Variants in FRMD6 observed in about 807,000 individuals in gnomAD.
FRMD6 encodes FERM domain-containing protein 6.
Under a neutral mutation model 73.2 loss-of-function variants are expected in FRMD6, and 37 were observed. The observed-to-expected ratio is 0.51, with a 90% CI of 0.39 to 0.66. FRMD6 has a LOEUF of 0.66. Ranked by LOEUF, FRMD6 falls within the 30% of genes least tolerant of loss-of-function variation. The pLI is 0.00. For synonymous variants in FRMD6, 273 were observed against 282.2 expected (o/e 0.97, Z 0.33); for missense variants, 714 against 780.5 (o/e 0.91, Z 1.02).
intron 2 of FRMD6, among the ~76,000 whole-genome samples, chr14:51,583,187 G>C (rs991978383): frequency 6.6e-6 from 1 of 152,174 alleles, no homozygotes; most frequent in South Asian, 2.1e-4. Context: ...TGCAGCTGCA[G>C]GGTCTTTATT....
the FRMD6 span, chr14:51,436,602 G>T: frequency 1.7e-6 from 1 of 578,284 alleles, no homozygotes; most frequent in Non-Finnish European, 3.1e-6. Context: ...ACAGAATAAA[G>T]CCAGCAGGAA....
At chr14:51,499,388 G>T (rs1197851655) in intron 1 of FRMD6, among the ~76,000 whole-genome samples, 1 of 152,190 alleles carries the variant, frequency 6.6e-6, no homozygotes, top group Non-Finnish European at 1.5e-5. Context: ...GGTTTTGATA[G>T]ATTTCCAATT....
At chr14:51,452,818 C>T in the FRMD6 span, among the ~76,000 whole-genome samples, 7 of 152,098 alleles carry the variant, frequency 4.6e-5, no homozygotes, top group Admixed American at 2.0e-4. Context: ...AGAAGGCATA[C>T]GAGTAGAGTG....
the FRMD6 span, among the ~76,000 whole-genome samples, chr14:51,476,465 C>T: frequency 6.6e-6 from 1 of 152,164 alleles, no homozygotes; most frequent in African/African-American, 2.4e-5. Flanking sequence ...AAACTATCTT[C>T]ACCAGTTTAC....
At chr14:51,494,817 A>G (rs539220970) in intron 1 of FRMD6, among the ~76,000 whole-genome samples, 17 of 152,244 alleles carry the variant, frequency 1.1e-4, no homozygotes, top group African/African-American at 3.6e-4. Context: ...CCATTCTTCC[A>G]TTGTCTTGGA....
At chr14:51,603,533 T>A (rs151165758) in intron 2 of FRMD6, among the ~76,000 whole-genome samples, 53 of 152,260 alleles carry the variant, frequency 3.5e-4, no homozygotes, top group African/African-American at 1.2e-3. Context: ...AACGAAAAAC[T>A]TTCCTTTGAT....
chr14:51,691,898 T>C (rs770523139), intron 2 of FRMD6, among the ~76,000 whole-genome samples: 16 of 152,136 alleles, frequency 1.1e-4, no homozygotes, highest in Non-Finnish European at 1.0e-4. Flanking sequence ...CCTGGCTATG[T>C]TACTATATTT....
intron 2 of FRMD6, among the ~76,000 whole-genome samples, chr14:51,619,951 T>C (rs1455864107): frequency 6.6e-6 from 1 of 152,208 alleles, no homozygotes; most frequent in East Asian, 1.9e-4. Flanking sequence ...AATTCCCCTG[T>C]AGTCTACAGA....
rs1359494233 is a variant in FRMD6 at position 51,715,500 on chromosome 14, G to T, written c.1024+1G>T. The T allele has an allele frequency of 1.9e-6, 3 of 1,607,094 alleles. No homozygotes were observed. The highest frequency in any genetic ancestry group is 2.6e-6 in the Non-Finnish European group (3 of 1,176,000). ...ATCCGGAAGCTGGAGGAAAACGAAG[G>T]TATTGCAGGGTCTGGGGTGTGGAAG... On this transcript the variant is annotated splice_donor_variant, in intron 10 of 13. Transcript: ENST00000344768. LOFTEE classifies it high-confidence loss of function.
the FRMD6 span, among the ~76,000 whole-genome samples, chr14:51,458,971 G>T: frequency 6.6e-6 from 1 of 152,216 alleles, no homozygotes; most frequent in African/African-American, 2.4e-5. Context: ...AGCAGAGATG[G>T]CAGAGGTTGT....
the FRMD6 span, among the ~76,000 whole-genome samples, chr14:51,460,394 T>C: frequency 2.0e-5 from 3 of 152,250 alleles, no homozygotes; most frequent in African/African-American, 7.2e-5. Flanking sequence ...TCTTTGGTTA[T>C]TTTCAATATA....
the FRMD6 span, among the ~76,000 whole-genome samples, chr14:51,426,890 C>G: frequency 6.6e-6 from 1 of 152,144 alleles, no homozygotes; most frequent in Non-Finnish European, 1.5e-5. Flanking sequence ...TATTGTTTCA[C>G]CCCACTGCAT....
At chr14:51,560,139 C>T (rs1947271475) in intron 1 of FRMD6, among the ~76,000 whole-genome samples, 1 of 152,010 alleles carries the variant, frequency 6.6e-6, no homozygotes, top group Admixed American at 6.6e-5. Context: ...GGAATAAATC[C>T]ATATTGATCT....
At chr14:51,655,617 A>C (rs1956611014) in intron 1 of FRMD6, among the ~76,000 whole-genome samples, 1 of 152,212 alleles carries the variant, frequency 6.6e-6, no homozygotes, top group African/African-American at 2.4e-5. Context: ...GAAGTGGAAT[A>C]CTGGACATTG....
In FRMD6 at chr14:51,720,353, C is replaced by T. The variant is rs202052807; in HGVS notation, c.1323C>T (p.Gly441=). 92 of 1,613,564 alleles carry T rather than the reference C, an allele frequency of 5.7e-5. No homozygotes were observed. Among genetic ancestry groups the T allele is most frequent in the Middle Eastern group, 3.3e-4 (2 of 6,084 alleles). ...GSSHTSGVES[G]GKDRLEEDLQ... ...CCCACACCTCAGGGGTGGAGAGTGGCGGCAAAGACCGGCTGGAAGAGGACT... is the reference window on the plus strand; with the variant it reads ...CCCACACCTCAGGGGTGGAGAGTGGTGGCAAAGACCGGCTGGAAGAGGACT... The change falls in exon 11 of 14, where the codon GGC becomes GGT. Residue 441 remains glycine, a synonymous_variant. Transcript: ENST00000344768.
chr14:51,583,464 C>T (rs1001950338), intron 2 of FRMD6, among the ~76,000 whole-genome samples: 8 of 152,162 alleles, frequency 5.3e-5, no homozygotes, highest in South Asian at 2.1e-4. Flanking sequence ...TTATTTAAAA[C>T]GTGTGAAATG....
rs551709571 is a variant in FRMD6, at chr14:51,630,447, A to G, written c.-146-59244A>G. Among the ~76,000 whole-genome samples the G allele has an allele frequency of 2.1e-4, 32 of 152,306 alleles. 1 individual carries two copies. In the South Asian group the frequency reaches 6.4e-3, roughly 31 times the overall value. ...TCATTATGCCAACTGAGAATTAAAA[A>G]AACAAAGAAGAAACATTTTAGGTTG... On this transcript the variant is annotated intron_variant, in intron 2 of 14. Coordinates refer to the FRMD6 transcript ENST00000356218.
chr14:51,452,082 T>C, the FRMD6 span, among the ~76,000 whole-genome samples: 1 of 152,036 alleles, frequency 6.6e-6, no homozygotes, highest in African/African-American at 2.4e-5. Flanking sequence ...ACAGCATACA[T>C]TGAAAAGGGA....
At chr14:51,632,668 T>C (rs1391805443) in intron 2 of FRMD6, among the ~76,000 whole-genome samples, 1 of 152,172 alleles carries the variant, frequency 6.6e-6, no homozygotes, top group African/African-American at 2.4e-5. Context: ...AAAAAGAATG[T>C]GGTCTGATAA....
Sources: allele counts gnomAD v4.1 joint callset (sites outside exome capture counted in the v4.1 genomes callset), GRCh38; gene constraint gnomAD v4.1.1; transcripts MANE v1.5; gene names NCBI Gene and HGNC (gene_info 2026-07-23, HGNC 2026-07-21).